SKAP2: variants seen among roughly 807,000 people sequenced by gnomAD.
SKAP2 encodes src kinase-associated phosphoprotein 2.
Under a neutral mutation model 54.9 loss-of-function variants are expected in SKAP2, and 28 were observed. The observed-to-expected ratio is 0.51, with a 90% CI of 0.38 to 0.70. The LOEUF is 0.70. Ranked by LOEUF, SKAP2 falls within the 30% of genes least tolerant of loss-of-function variation. The pLI is 0.00. For missense variants in SKAP2, 356 were observed against 424.1 expected (o/e 0.84, Z 1.41); for synonymous variants, 137 against 134.3 (o/e 1.02, Z -0.14).
At position 26,833,353 on chromosome 7, in the gene SKAP2, G is replaced by A. The variant is rs1236521820; in HGVS notation, c.307+10677C>T. ...AGAGCTTGCAGTGAGCTGAGATCGC[G>A]CCACTGCACCCCAGCCTGGGTGACA... On this transcript the variant is annotated intron_variant, in intron 4 of 12. Transcript: ENST00000345317. 4.9e-5 allele frequency among the ~76,000 whole-genome samples: 7 copies of A among 143,000 alleles called. No individual in the cohort carries two copies. In the South Asian group the frequency reaches 6.7e-4, roughly 14 times the overall value. 93.8% of individuals were successfully genotyped at this position (143,000 alleles called of 152,430 possible).
intron 9 of SKAP2, among the ~76,000 whole-genome samples, chr7:26,706,478 A>G (rs755397731): frequency 1.3e-5 from 2 of 152,214 alleles, no homozygotes; most frequent in African/African-American, 2.4e-5. Context: ...AGCAGATTCA[A>G]GTATAAACAG....
chr7:26,712,966 C>G, intron 9 of SKAP2, among the ~76,000 whole-genome samples: 1 of 152,174 alleles, frequency 6.6e-6, no homozygotes, highest in East Asian at 1.9e-4. Context: ...TACATGTCAG[C>G]CTCACTAAAG....
chr7:26,678,460 GA>G (rs1179224637), intron 11 of SKAP2, among the ~76,000 whole-genome samples: 1 of 68,456 alleles, frequency 1.5e-5, no homozygotes, highest in East Asian at 4.5e-4. Flanking sequence ...TTTTTTTTTT[GA>G]GATGGAGTCA....
chr7:26,860,836 T>C (rs535364150), intron 1 of SKAP2, among the ~76,000 whole-genome samples: 2 of 94 alleles, frequency 0.021, no homozygotes, highest in African/African-American at 0.11. Flanking sequence ...GAAAAAAATA[T>C]TCACACATTA....
chr7:26,740,806 T>A (rs1300797923), intron 4 of SKAP2, among the ~76,000 whole-genome samples: 11 of 151,910 alleles, frequency 7.2e-5, no homozygotes, highest in Admixed American at 7.2e-4. Flanking sequence ...GCCAACACAG[T>A]GAAACCTGGT....
At chr7:26,734,159 A>G (rs1787876949) in intron 6 of SKAP2, among the ~76,000 whole-genome samples, 1 of 152,194 alleles carries the variant, frequency 6.6e-6, no homozygotes, top group Non-Finnish European at 1.5e-5. Context: ...TCTGCCTCTC[A>G]ACAGCCCTGT....
chr7:26,796,121 AAGTT>A (rs1272976311), intron 4 of SKAP2, among the ~76,000 whole-genome samples: 2 of 152,228 alleles, frequency 1.3e-5, no homozygotes, highest in Non-Finnish European at 2.9e-5. Flanking sequence ...CTATTATAAA[AAGTT>A]AGTATTTATC....
chr7:26,770,251 C>T (rs1783158072), intron 4 of SKAP2, among the ~76,000 whole-genome samples: 1 of 152,106 alleles, frequency 6.6e-6, no homozygotes, highest in Non-Finnish European at 1.5e-5. Flanking sequence ...TTTGTTTACA[C>T]TATGAGGGGA....
At chr7:26,825,569 C>G (rs918795234) in intron 4 of SKAP2, among the ~76,000 whole-genome samples, 2 of 73,292 alleles carry the variant, frequency 2.7e-5, no homozygotes, top group South Asian at 4.4e-4. Context: ...AATGGCCAAA[C>G]AGCAAACAGT....
intron 1 of SKAP2, 67 bp from the exon 2 acceptor site, chr7:26,854,957 G>A (rs1584429063): frequency 2.7e-6 from 3 of 1,112,594 alleles, no homozygotes; most frequent in Non-Finnish European, 3.8e-6. Flanking sequence ...AAGATAAATA[G>A]GACAATGATT....
intron 4 of SKAP2, among the ~76,000 whole-genome samples, chr7:26,837,758 C>T (rs150264788): frequency 7.8e-4 from 115 of 146,628 alleles, no homozygotes; most frequent in African/African-American, 2.6e-3. Flanking sequence ...GTCTACTGAC[C>T]ATACTTTGAG....
At chr7:26,686,686 A>G (rs1416087886) in intron 10 of SKAP2, among the ~76,000 whole-genome samples, 2 of 152,212 alleles carry the variant, frequency 1.3e-5, no homozygotes, top group Non-Finnish European at 2.9e-5. Flanking sequence ...GAAACATTCT[A>G]GTCAGATTAA....
chr7:26,735,756 C>T (rs748290887), intron 6 of SKAP2, among the ~76,000 whole-genome samples: 1 of 151,994 alleles, frequency 6.6e-6, no homozygotes, highest in African/African-American at 2.4e-5. Context: ...AAAATCATAT[C>T]TAATTTCACA....
intron 9 of SKAP2, among the ~76,000 whole-genome samples, chr7:26,701,861 C>CA (rs1446959057): frequency 3.9e-5 from 6 of 151,988 alleles, no homozygotes; most frequent in Non-Finnish European, 8.8e-5. Context: ...AATTAAAATT[C>CA]AAATGGCATT....
intron 4 of SKAP2, among the ~76,000 whole-genome samples, chr7:26,808,410 A>G (rs188134486): frequency 1.5e-3 from 222 of 152,344 alleles, no homozygotes; most frequent in African/African-American, 4.9e-3. Flanking sequence ...AGTACCTAGA[A>G]CAGGCCAATT....
At position 26,737,941 on chromosome 7, in the gene SKAP2, T is replaced by G. The variant is rs573805431; in HGVS notation, c.469+854A>C. On this transcript the variant is annotated intron_variant, in intron 6 of 12. Coordinates refer to ENST00000345317, the MANE Select transcript of SKAP2 (RefSeq NM_003930.5). ...GAGAACATGGACTCTAACCATATTC[T>G]CTAGGTTAAAATCCCAAATTTGAGC... 3.3e-5 allele frequency among the ~76,000 whole-genome samples: 5 copies of G among 152,290 alleles called. No homozygotes were observed. In the South Asian group the frequency reaches 1.0e-3, roughly 32 times the overall value.
chr7:26,760,523 A>G (rs920532809), intron 4 of SKAP2, among the ~76,000 whole-genome samples: 6 of 152,198 alleles, frequency 3.9e-5, no homozygotes, highest in Non-Finnish European at 7.3e-5. Flanking sequence ...ACCTATGATA[A>G]GGTCTGATTT....
chr7:26,793,175 T>A (rs1313653434), intron 4 of SKAP2, among the ~76,000 whole-genome samples: 2 of 152,198 alleles, frequency 1.3e-5, no homozygotes, highest in Non-Finnish European at 2.9e-5. Context: ...TACTTTTACC[T>A]GACTTGACCC....
At chr7:26,847,148 C>T (rs1784939897) in intron 3 of SKAP2, among the ~76,000 whole-genome samples, 1 of 151,860 alleles carries the variant, frequency 6.6e-6, no homozygotes, top group Non-Finnish European at 1.5e-5. Context: ...GAATTAAGTA[C>T]TGCTACTGGC....
Sources: gnomAD v4.1 joint callset for allele counts (sites outside exome capture counted in the v4.1 genomes callset) on GRCh38, gnomAD v4.1.1 for gene constraint, MANE v1.5 for transcripts, NCBI Gene and HGNC (gene_info 2026-07-23, HGNC 2026-07-21) for gene names.